ITGA6: variants seen among roughly 807,000 people sequenced by gnomAD.
The protein encoded by ITGA6 is integrin subunit alpha 6.
A neutral mutation model predicts 133.6 loss-of-function variants in ITGA6; 63 were observed. That is an observed-to-expected ratio of 0.47 (90% confidence interval 0.38 to 0.58). ITGA6 has a LOEUF of 0.58. Ranked by LOEUF, ITGA6 falls within the 20% of genes least tolerant of loss-of-function variation. ITGA6 has a pLI of 0.00. For missense variants in ITGA6, 1,068 were observed against 1,309.4 expected, an observed-to-expected ratio of 0.82 and a Z score of 2.85; for synonymous variants, 434 against 482.0, an observed-to-expected ratio of 0.90 and a Z score of 1.30.
intron 1 of ITGA6, among the ~76,000 whole-genome samples, chr2:172,431,841 G>GA (rs1279676301): frequency 4.0e-5 from 6 of 151,790 alleles, no homozygotes. Context: ...CAGGGTTGGG[G>GA]AAAAAAAGGG....
Position 172,498,124 on chromosome 2 carries a change from T to C in ITGA6, c.3114+24T>C, listed in dbSNP as rs916180877. 9 of 1,606,936 alleles carry C rather than the reference T, an allele frequency of 5.6e-6. No homozygotes were observed. In the African/African-American group the frequency reaches 1.2e-4, roughly 21 times the overall value. The stretch of plus-strand genomic sequence containing the variant: ...AGGTAAGTCATATCTGGCATTTGAA[T>C]TTCATAACAAACTTTATTTCATGTT... On this transcript the variant is annotated intron_variant, in intron 24 of 25. Coordinates refer to ENST00000684293, the MANE Select transcript of ITGA6 (RefSeq NM_000210.4).
chr2:172,499,339 AT>A (rs1427617483), intron 24 of ITGA6, among the ~76,000 whole-genome samples: 1 of 151,302 alleles, frequency 6.6e-6, no homozygotes, highest in Non-Finnish European at 1.5e-5. Context: ...AATATAAAAC[AT>A]TTTTTCAAGG....
At chr2:172,462,180 C>T (rs967903990) in intron 1 of ITGA6, among the ~76,000 whole-genome samples, 6 of 152,196 alleles carry the variant, frequency 3.9e-5, no homozygotes, top group South Asian at 2.1e-4. Context: ...CACCTTATCG[C>T]GGTGGGTCCC....
upstream of ITGA6, chr2:172,427,515 G>A (rs1226246662): frequency 2.7e-6 from 3 of 1,128,386 alleles, no homozygotes; most frequent in Non-Finnish European, 2.2e-6. Flanking sequence ...GCAAGGAGGG[G>A]CGAGAGGGTG....
In ITGA6 at chr2:172,484,817, A is replaced by C; in HGVS notation, c.1585A>C (p.Arg529=). Residue 529 remains arginine, a synonymous_variant, in exon 12 of 26, where the codon AGA becomes CGA. Transcript: ENST00000684293. ...VGTLEAEKER[R]KSGLSSRVQF... is the part of the protein sequence containing the mutation. ...CACACTTGAAGCTGAAAAAGAAAGA[A>C]GAAAATCTGGGCTATCCTCAAGAGT... 2 of 1,614,198 alleles carry C rather than the reference A, an allele frequency of 1.2e-6. No individual in the cohort carries two copies. Among genetic ancestry groups the C allele is most frequent in the Middle Eastern group, 1.6e-4 (1 of 6,062 alleles).
rs1166445999 is a variant in ITGA6, at chr2:172,491,009, T to A, written c.2680-15T>A. 3.2e-6 allele frequency: 4 copies of A among 1,245,668 alleles called. No individual in the cohort carries two copies. The highest frequency in any genetic ancestry group is 4.7e-6 in the Non-Finnish European group (4 of 845,364). The allele number at this position is 1,245,668 out of a possible 1,614,324, so 77.2% of individuals were successfully genotyped here. A position where few individuals can be genotyped will look rare whatever the true frequency, so the allele number is the denominator to read the frequency against. The stretch of plus-strand genomic sequence containing the variant: ...TTACATAAATTGGAACTATTTTGGA[T>A]ATAATTTTTTTCAGGAGTCTCACAA... On this transcript the variant is annotated splice_polypyrimidine_tract_variant and intron_variant, in intron 20 of 25. Coordinates refer to ENST00000684293, the MANE Select transcript of ITGA6 (RefSeq NM_000210.4). This position sits in a 1 kb window ranked among gnomAD's most constrained non-coding sequence, Gnocchi z 4.4.
At position 172,471,073 on chromosome 2, in the gene ITGA6, G is replaced by C. The variant is rs763863109; in HGVS notation, c.743G>C (p.Ser248Thr). 1 of 1,614,218 alleles carries C rather than the reference G, an allele frequency of 6.2e-7. No homozygotes were observed. The highest frequency in any genetic ancestry group is 8.5e-7 in the Non-Finnish European group (1 of 1,180,026). ...GGTGGAGAGACTGAGCATGATGAAA[G>C]TCTCGTTCCTGTTCCTGCTAACAGT... is the stretch of plus-strand genomic sequence containing the variant. Reference protein sequence around the residue: ...EVGGETEHDESLVPVPANSYL... With the variant: ...EVGGETEHDETLVPVPANSYL... Residue 248 changes from serine (S) to threonine (T), a missense_variant, in exon 5 of 26, where the codon AGT becomes ACT. Coordinates refer to ENST00000684293, the MANE Select transcript of ITGA6 (RefSeq NM_000210.4).
chr2:172,484,776 A>G lies in ITGA6; in HGVS notation c.1550-6A>G. ...CTTACGTTAATATGATTTTAATTTTATCTAGCAATTGTGGGCACACTTGAA... is the reference window on the plus strand; with the variant it reads ...CTTACGTTAATATGATTTTAATTTTGTCTAGCAATTGTGGGCACACTTGAA... On this transcript the variant is annotated splice_region_variant and splice_polypyrimidine_tract_variant and intron_variant, in intron 11 of 25. Coordinates refer to ENST00000684293, the MANE Select transcript of ITGA6 (RefSeq NM_000210.4). 6.2e-7 allele frequency: 1 copy of G among 1,613,188 alleles called. No homozygotes were observed. Among genetic ancestry groups the G allele is most frequent in the Non-Finnish European group, 8.5e-7 (1 of 1,179,160 alleles).
intron 8 of ITGA6, 22 bp downstream of exon 8, chr2:172,475,707 C>T (rs773822281): frequency 7.4e-5 from 98 of 1,316,940 alleles, no homozygotes; most frequent in Non-Finnish European, 1.0e-4. Flanking sequence ...ACCGGGATTT[C>T]TACAGCTAGA....
chr2:172,437,408 A>G (rs1015028154), intron 1 of ITGA6, among the ~76,000 whole-genome samples: 4 of 152,232 alleles, frequency 2.6e-5, no homozygotes, highest in African/African-American at 9.6e-5. Context: ...AGTAGAGTCA[A>G]CAGGATTTCC....
intron 1 of ITGA6, among the ~76,000 whole-genome samples, chr2:172,431,172 T>G (rs2148990522): frequency 6.6e-6 from 1 of 152,316 alleles, no homozygotes; most frequent in South Asian, 2.1e-4. Context: ...CTCAGACTTG[T>G]CATGTTCCAT....
rs766848710 is a variant in ITGA6, at chr2:172,497,981, G to A, written c.2995G>A (p.Val999Met). The A allele has an allele frequency of 9.3e-6, 15 of 1,613,872 alleles. No homozygotes were observed. Among genetic ancestry groups the A allele is most frequent in the African/African-American group, 2.7e-5 (2 of 74,910 alleles). ...RLPNAGTQVRVTVFPSKTVAQ... is the reference protein window; with the variant it reads ...RLPNAGTQVRMTVFPSKTVAQ... ...TTTCTTTTCTGCCCTGTAGGTTCGA[G>A]TGACTGTGTTTCCCTCAAAGACTGT... The change falls in exon 24 of 26, where the codon GTG becomes ATG. Residue 999 changes from valine to methionine, a missense_variant. Coordinates refer to ENST00000684293, the MANE Select transcript of ITGA6 (RefSeq NM_000210.4).
intron 1 of ITGA6, among the ~76,000 whole-genome samples, chr2:172,456,328 C>A (rs12619003): frequency 1.4e-3 from 214 of 152,320 alleles, no homozygotes; most frequent in Admixed American, 0.012. Context: ...TCACCTGTGC[C>A]TGTGAAACCA....
intron 24 of ITGA6, among the ~76,000 whole-genome samples, chr2:172,499,915 T>C (rs1025654187): frequency 8.0e-6 from 1 of 124,656 alleles, no homozygotes; most frequent in Non-Finnish European, 1.6e-5. Context: ...GATTTCATTA[T>C]TTTGGGAGTT....
At chr2:172,434,014 A>G (rs190116515) in intron 1 of ITGA6, among the ~76,000 whole-genome samples, 11 of 152,276 alleles carry the variant, frequency 7.2e-5, no homozygotes, top group Non-Finnish European at 1.0e-4. Flanking sequence ...TTAGACCTCT[A>G]TGACCTTGAA....
intron 9 of ITGA6, among the ~76,000 whole-genome samples, chr2:172,478,977 T>G (rs1480575739): frequency 6.6e-6 from 1 of 152,186 alleles, no homozygotes; most frequent in Non-Finnish European, 1.5e-5. Flanking sequence ...GCAAGACTAC[T>G]CGTAATTAAA....
intron 1 of ITGA6, among the ~76,000 whole-genome samples, chr2:172,429,684 C>T (rs1684029672): frequency 6.6e-6 from 1 of 152,138 alleles, no homozygotes; most frequent in Admixed American, 6.5e-5. Flanking sequence ...CAACTCCTCC[C>T]GAGGTAAGGA....
chr2:172,493,848 C>T (rs75628100), intron 23 of ITGA6, among the ~76,000 whole-genome samples: 3,571 of 152,256 alleles, frequency 0.023, 144 homozygotes, highest in African/African-American at 0.081. Flanking sequence ...ACTCTGGGGG[C>T]CCTGGTGTCC....
At chr2:172,481,061 C>G (rs570512766) in intron 11 of ITGA6, 1 of 152,154 alleles carries the variant, frequency 6.6e-6, no homozygotes, top group Non-Finnish European at 1.5e-5. Context: ...AATTCTCAAC[C>G]CGGGTCCGGC....
Sources: allele counts gnomAD v4.1 joint callset (sites outside exome capture counted in the v4.1 genomes callset), GRCh38; gene constraint gnomAD v4.1.1; non-coding constraint Gnocchi (gnomAD v3.1); transcripts MANE v1.5; gene names NCBI Gene and HGNC (gene_info 2026-07-23, HGNC 2026-07-21).